KITLG: variants seen among roughly 807,000 people sequenced by gnomAD.
KITLG encodes the protein KIT ligand.
Under a neutral mutation model 34.1 loss-of-function variants are expected in KITLG, and 13 were observed. That is an observed-to-expected ratio of 0.38 (90% confidence interval 0.25 to 0.61). The LOEUF is 0.61. Among genes scored for constraint, KITLG ranks in the 20% least tolerant of loss-of-function variants. KITLG has a pLI of 0.60. For missense variants in KITLG, 292 were observed against 318.9 expected, an observed-to-expected ratio of 0.92 and a Z score of 0.64; for synonymous variants, 110 against 104.0, an observed-to-expected ratio of 1.06 and a Z score of -0.35.
At chr12:88,498,605 T>C (rs1037498237) in intron 9 of KITLG, among the ~76,000 whole-genome samples, 2 of 152,214 alleles carry the variant, frequency 1.3e-5, no homozygotes, top group Non-Finnish European at 2.9e-5. Context: ...ACAGGCATGG[T>C]GGCTCACACC....
chr12:88,542,497 G>C (rs1465349511), intron 2 of KITLG, among the ~76,000 whole-genome samples: 1 of 151,970 alleles, frequency 6.6e-6, no homozygotes, highest in East Asian at 1.9e-4. Flanking sequence ...AAGATGCTCT[G>C]CCCCACCATG....
chr12:88,540,752 A>G (rs1870489432), intron 2 of KITLG, among the ~76,000 whole-genome samples: 1 of 152,196 alleles, frequency 6.6e-6, no homozygotes, highest in Non-Finnish European at 1.5e-5. Flanking sequence ...ATAATATAGC[A>G]ATCTATCTAG....
intron 2 of KITLG, among the ~76,000 whole-genome samples, chr12:88,541,776 C>T (rs1167230283): frequency 1.3e-5 from 2 of 152,034 alleles, no homozygotes; most frequent in Non-Finnish European, 2.9e-5. Flanking sequence ...ATAAAAACCA[C>T]GGGGACCGTG....
intron 1 of KITLG, among the ~76,000 whole-genome samples, chr12:88,562,070 A>G (rs1418366933): frequency 6.6e-6 from 1 of 152,330 alleles, no homozygotes; most frequent in South Asian, 2.1e-4. Flanking sequence ...AAGAATATAC[A>G]TGGTATAAGA....
chr12:88,562,104 C>T (rs888946403), intron 1 of KITLG, among the ~76,000 whole-genome samples: 9 of 152,118 alleles, frequency 5.9e-5, no homozygotes, highest in South Asian at 2.1e-4. Flanking sequence ...TATTCTTATC[C>T]GTCATTCTTA....
rs557898553 is a variant in KITLG, at chr12:88,543,343, T to C, written c.129+2409A>G. ...GTTCTCATTGTTCAACTCCCACTTA[T>C]GAGTGAGAACATGCGGTGTTTGGTT... On this transcript the variant is annotated intron_variant, in intron 2 of 9. Transcript: ENST00000644744. Among the ~76,000 whole-genome samples, 11 of 152,276 alleles carry C rather than the reference T, an allele frequency of 7.2e-5. No homozygotes were observed. The East Asian group carries it at 1.2e-3, about 16-fold the overall frequency.
At chr12:88,544,732 GGCTAA>G (rs1476006136) in intron 2 of KITLG, among the ~76,000 whole-genome samples, 1 of 151,994 alleles carries the variant, frequency 6.6e-6, no homozygotes, top group Non-Finnish European at 1.5e-5. Flanking sequence ...TCTATATTGA[GGCTAA>G]GCTAGCAAGA....
chr12:88,521,097 T>C (rs1869640318), intron 3 of KITLG, among the ~76,000 whole-genome samples: 2 of 152,214 alleles, frequency 1.3e-5, no homozygotes, highest in Non-Finnish European at 2.9e-5. Context: ...TATTTTTGCT[T>C]GTGCTATTGT....
intron 3 of KITLG, among the ~76,000 whole-genome samples, chr12:88,524,680 A>G (rs1464622764): frequency 6.6e-6 from 1 of 152,138 alleles, no homozygotes; most frequent in Non-Finnish European, 1.5e-5. Context: ...GGCCTAGATA[A>G]TCTGAACAGC....
intron 9 of KITLG, among the ~76,000 whole-genome samples, chr12:88,498,895 A>AAG (rs201253849): frequency 2.0e-5 from 3 of 151,846 alleles, no homozygotes; most frequent in South Asian, 4.1e-4. Flanking sequence ...TCAAGAAAGA[A>AAG]AGAGAGAGAG....
At chr12:88,564,437 T>A (rs1278961048) in intron 1 of KITLG, 1 of 152,172 alleles carries the variant, frequency 6.6e-6, no homozygotes, top group Non-Finnish European at 1.5e-5. Flanking sequence ...AATAGGGATC[T>A]ACTTCCTCAG....
At chr12:88,525,003 C>T (rs1869812463) in intron 3 of KITLG, among the ~76,000 whole-genome samples, 1 of 152,116 alleles carries the variant, frequency 6.6e-6, no homozygotes, top group Admixed American at 6.6e-5. Flanking sequence ...TGGTAGACAC[C>T]TGACTTGGAT....
At chr12:88,521,323 A>G (rs1869648867) in intron 3 of KITLG, among the ~76,000 whole-genome samples, 2 of 152,168 alleles carry the variant, frequency 1.3e-5, no homozygotes, top group African/African-American at 4.8e-5. Flanking sequence ...TTTTTAATTA[A>G]ATATCGTCAA....
At chr12:88,526,440 T>C (rs943891081) in intron 3 of KITLG, among the ~76,000 whole-genome samples, 1 of 152,200 alleles carries the variant, frequency 6.6e-6, no homozygotes, top group African/African-American at 2.4e-5. Flanking sequence ...AAATTACAAA[T>C]GATTATATGG....
chr12:88,535,239 G>A (rs1448242326), intron 2 of KITLG, among the ~76,000 whole-genome samples: 3 of 152,126 alleles, frequency 2.0e-5, no homozygotes, highest in African/African-American at 7.2e-5. Flanking sequence ...TAAAAACACT[G>A]AAATCTACAT....
At chr12:88,548,099 T>C (rs1057305049) in intron 1 of KITLG, among the ~76,000 whole-genome samples, 2 of 152,140 alleles carry the variant, frequency 1.3e-5, no homozygotes, top group African/African-American at 4.8e-5. Context: ...TGAGTCACCA[T>C]GTGTACTGCT....
Position 88,494,149 on chromosome 12 carries a change from A to G in KITLG, c.*3070T>C, listed in dbSNP as rs1868520388. 6.6e-6 allele frequency: 1 copy of G among 151,944 alleles called. No homozygotes were observed. Among genetic ancestry groups the G allele is most frequent in the Non-Finnish European group, 1.5e-5 (1 of 67,862 alleles). 9.4% of individuals were successfully genotyped at this position (151,944 alleles called of 1,614,324 possible). A position where few individuals can be genotyped will look rare whatever the true frequency, so the allele number is the denominator to read the frequency against. On this transcript the variant is annotated 3_prime_UTR_variant, in exon 10 of 10. Coordinates refer to ENST00000644744, the MANE Select transcript of KITLG (RefSeq NM_000899.5). ...AAGAAGAGAGGTGATTTACCATATCAGTTAATGACAGACTGGAGGCTCCGG... is the reference window on the plus strand; with the variant it reads ...AAGAAGAGAGGTGATTTACCATATCGGTTAATGACAGACTGGAGGCTCCGG...
At chr12:88,512,515 G>T (rs1323171305) in intron 6 of KITLG, among the ~76,000 whole-genome samples, 3 of 151,762 alleles carry the variant, frequency 2.0e-5, no homozygotes, top group Non-Finnish European at 4.4e-5. Flanking sequence ...CAAATTTGAG[G>T]GAAAACAAAT....
intron 4 of KITLG, 150 bp downstream of exon 4, chr12:88,518,547 T>C: frequency 1.6e-6 from 1 of 645,120 alleles, no homozygotes; most frequent in Non-Finnish European, 2.7e-6. Flanking sequence ...ATACTTGTTT[T>C]CTTTGCTCAT....
Sources: gnomAD v4.1 joint callset for allele counts (sites outside exome capture counted in the v4.1 genomes callset) on GRCh38, gnomAD v4.1.1 for gene constraint, MANE v1.5 for transcripts, NCBI Gene and HGNC (gene_info 2026-07-23, HGNC 2026-07-21) for gene names.